LRP1B: variants seen among roughly 807,000 people sequenced by gnomAD.
LRP1B encodes the protein LDL receptor related protein 1B, also known as low-density lipoprotein receptor-related protein 1B.
LRP1B carries 217 observed loss-of-function variants against 556.6 expected under a neutral mutation model. The ratio of observed to expected loss-of-function variants is 0.39; its 90% CI spans 0.35 to 0.44. The LOEUF is 0.44. Among genes scored for constraint, LRP1B ranks in the 20% least tolerant of loss-of-function variants. LRP1B has a pLI of 1.00. For synonymous variants in LRP1B, 2,047 were observed against 1,865.8 expected (o/e 1.10, Z -2.50); for missense variants, 5,053 against 5,620.8 (o/e 0.90, Z 3.23).
chr2:141,494,185 A>G (rs1683434553), intron 2 of LRP1B, among the ~76,000 whole-genome samples: 1 of 152,144 alleles, frequency 6.6e-6, no homozygotes, highest in African/African-American at 2.4e-5. Context: ...AAGGATGTCA[A>G]CATCACAGGT....
intron 1 of LRP1B, among the ~76,000 whole-genome samples, chr2:141,993,679 G>A (rs1365577412): frequency 2.0e-5 from 3 of 152,050 alleles, no homozygotes; most frequent in Non-Finnish European, 2.9e-5. Flanking sequence ...GCAGTGACTG[G>A]ACCATTATAA....
At chr2:141,572,909 TCTATGCC>T (rs3036218) in intron 2 of LRP1B, among the ~76,000 whole-genome samples, 130,704 of 151,618 alleles carry the variant, frequency 0.86, 56,580 homozygotes, top group East Asian at 0.92. Context: ...ATTCTAAATA[TCTATGCC>T]CTATGCCCTA....
chr2:140,787,053 G>GGAA (rs1302580834), intron 32 of LRP1B, among the ~76,000 whole-genome samples: 2 of 152,096 alleles, frequency 1.3e-5, no homozygotes, highest in African/African-American at 2.4e-5. Context: ...AGCAGGATGG[G>GGAA]GAAGAAGAAG....
intron 2 of LRP1B, among the ~76,000 whole-genome samples, chr2:141,544,296 C>CTCTTCTTCTTCGTCGTCTTCT (rs1685379253): frequency 1.3e-5 from 1 of 78,300 alleles, no homozygotes; most frequent in African/African-American, 5.2e-5. Context: ...AAATTTACCA[C>CTCTTCTTCTTCGTCGTCTTCT]TCTTCTTCTT....
intron 32 of LRP1B, among the ~76,000 whole-genome samples, chr2:140,810,763 G>A (rs1162506537): frequency 6.6e-6 from 1 of 152,086 alleles, no homozygotes; most frequent in Non-Finnish European, 1.5e-5. Flanking sequence ...TTGAAGCTGA[G>A]TCTTGCACTG....
intron 7 of LRP1B, among the ~76,000 whole-genome samples, chr2:141,112,334 T>C (rs1352116225): frequency 6.6e-6 from 1 of 152,208 alleles, no homozygotes; most frequent in Non-Finnish European, 1.5e-5. Flanking sequence ...GCTTTCATAC[T>C]GTGAATGTTT....
intron 11 of LRP1B, among the ~76,000 whole-genome samples, chr2:141,030,380 CTTTT>C (rs796465155): frequency 1.3e-5 from 2 of 151,956 alleles, no homozygotes; most frequent in African/African-American, 4.8e-5. Flanking sequence ...AAAAAGGGTA[CTTTT>C]TGTTTTTTAC....
chr2:140,956,310 C>T (rs1488378217), intron 18 of LRP1B, among the ~76,000 whole-genome samples: 2 of 151,564 alleles, frequency 1.3e-5, no homozygotes, highest in East Asian at 1.9e-4. Context: ...CTGATCAATG[C>T]CAAAATACAT....
chr2:141,418,632 G>C (rs1360126328), intron 3 of LRP1B, among the ~76,000 whole-genome samples: 1 of 151,920 alleles, frequency 6.6e-6, no homozygotes, highest in Non-Finnish European at 1.5e-5. Flanking sequence ...GATTTCTGTA[G>C]CTCTGTAATT....
chr2:140,276,784 T>G (rs1343018166), intron 84 of LRP1B, among the ~76,000 whole-genome samples: 1 of 151,954 alleles, frequency 6.6e-6, no homozygotes, highest in South Asian at 2.1e-4. Flanking sequence ...AAGGTTGCCA[T>G]GGTGGATATA....
intron 37 of LRP1B, among the ~76,000 whole-genome samples, chr2:140,707,304 C>T (rs970805392): frequency 3.3e-5 from 5 of 152,066 alleles, no homozygotes; most frequent in African/African-American, 7.2e-5. Context: ...TCTCTTATGT[C>T]GGCAGTTGGC....
chr2:141,319,662 A>T (rs1687166410), intron 3 of LRP1B, among the ~76,000 whole-genome samples: 1 of 152,086 alleles, frequency 6.6e-6, no homozygotes, highest in Non-Finnish European at 1.5e-5. Flanking sequence ...GGATTAGCCA[A>T]ATTGTAGCAT....
At chr2:141,011,736 A>G (rs1469894799) in intron 14 of LRP1B, among the ~76,000 whole-genome samples, 1 of 152,100 alleles carries the variant, frequency 6.6e-6, no homozygotes, top group Non-Finnish European at 1.5e-5. Flanking sequence ...CCCTTCAATT[A>G]AAATGGGGAA....
intron 44 of LRP1B, 22 bp downstream of exon 44, chr2:140,541,757 T>C: frequency 6.4e-7 from 1 of 1,566,492 alleles, no homozygotes; most frequent in Non-Finnish European, 8.7e-7. Context: ...AAAAAACACA[T>C]TTGCTTTCTA....
chr2:141,538,206 A>G (rs1685129948), intron 2 of LRP1B, among the ~76,000 whole-genome samples: 1 of 152,118 alleles, frequency 6.6e-6, no homozygotes, highest in Admixed American at 6.6e-5. Context: ...AGATTTTTGC[A>G]GGCTCCAGTC....
intron 11 of LRP1B, among the ~76,000 whole-genome samples, chr2:141,048,639 A>C (rs889676932): frequency 6.6e-6 from 1 of 152,104 alleles, no homozygotes; most frequent in Non-Finnish European, 1.5e-5. Context: ...ACCAACTATT[A>C]CAAGTCTCTG....
chr2:141,891,626 T>A (rs1049232964), intron 1 of LRP1B, among the ~76,000 whole-genome samples: 1 of 152,162 alleles, frequency 6.6e-6, no homozygotes, highest in Non-Finnish European at 1.5e-5. Flanking sequence ...GATTTCTTAA[T>A]GTTAGAATGT....
At chr2:140,538,750 G>T (rs1680024307) in intron 45 of LRP1B, among the ~76,000 whole-genome samples, 1 of 151,984 alleles carries the variant, frequency 6.6e-6, no homozygotes, top group Non-Finnish European at 1.5e-5. Flanking sequence ...CTTCTTGAAA[G>T]TCTATTGAGA....
At chr2:141,001,379 G>T (rs1697418137) in intron 15 of LRP1B, among the ~76,000 whole-genome samples, 1 of 151,850 alleles carries the variant, frequency 6.6e-6, no homozygotes, top group Non-Finnish European at 1.5e-5. Context: ...GTGCAGGTTT[G>T]TTACATATGT....
Sources: allele counts gnomAD v4.1 joint callset (sites outside exome capture counted in the v4.1 genomes callset), GRCh38; gene constraint gnomAD v4.1.1; transcripts MANE v1.5; gene names NCBI Gene and HGNC (gene_info 2026-07-23, HGNC 2026-07-21).